TUSC3: variants seen among roughly 807,000 people sequenced by gnomAD.
The protein encoded by TUSC3 is dolichyl-diphosphooligosaccharide--protein glycosyltransferase subunit TUSC3.
In TUSC3, 45 loss-of-function variants were observed where a neutral mutation model predicts 44.8. The ratio of observed to expected loss-of-function variants is 1.00; its 90% CI spans 0.79 to 1.29. TUSC3 has a LOEUF of 1.29. TUSC3 is among the 50% of genes most tolerant of loss of function. TUSC3 has a pLI of 0.00. For synonymous variants in TUSC3, 212 were observed against 152.9 expected (o/e 1.39, Z -2.85); for missense variants, 519 against 437.9 (o/e 1.19, Z -1.65).
intron 2 of TUSC3, among the ~76,000 whole-genome samples, chr8:15,499,672 A>T (rs1279651655): frequency 6.6e-6 from 1 of 152,158 alleles, no homozygotes; most frequent in African/African-American, 2.4e-5. Flanking sequence ...GTTAAACATT[A>T]TTCTGGGTGT....
intron 1 of TUSC3, among the ~76,000 whole-genome samples, chr8:15,482,364 G>T (rs1800674193): frequency 6.6e-6 from 1 of 152,178 alleles, no homozygotes. Flanking sequence ...TCTCGTGGCA[G>T]AGAATGGTGA....
At chr8:15,686,671 A>AT (rs1202071251) in intron 6 of TUSC3, among the ~76,000 whole-genome samples, 1 of 152,136 alleles carries the variant, frequency 6.6e-6, no homozygotes, top group East Asian at 1.9e-4. Context: ...TATAATTATT[A>AT]TATTTTCAAC....
rs76733434 is a variant in TUSC3, at chr8:15,477,225, A to T, written n.92-6161A>T. 5.7e-3 allele frequency among the ~76,000 whole-genome samples: 875 copies of T among 152,222 alleles called. 7 individuals carry two copies. Among genetic ancestry groups the T allele is most frequent in the Middle Eastern group, 0.014 (4 of 294 alleles). On this transcript the variant is annotated intron_variant and non_coding_transcript_variant, in intron 1 of 5. Transcript: ENST00000503191. ...CTATTCTCCTGCCTCAATTCCATTG[A>T]CCAAATTCCATTTAGTTGTCTATGA...
chr8:15,764,945 C>G lies in TUSC3; in HGVS notation c.*789C>G, dbSNP rs352809. On this transcript the variant is annotated 3_prime_UTR_variant, in exon 11 of 11. Transcript: ENST00000503731. ...ACACACTATCCATTTTCGAGCAAAC[C>G]TAACCCACTATATCCATTTTGCTCA... The G allele has an allele frequency of 6.6e-6, 1 of 151,652 alleles. No individual in the cohort carries two copies. The highest frequency in any genetic ancestry group is 1.5e-5 in the Non-Finnish European group (1 of 67,862). The allele number at this position is 151,652 out of a possible 1,614,324, so 9.4% of individuals were successfully genotyped here.
chr8:15,804,637 C>T, the TUSC3 span, among the ~76,000 whole-genome samples: 1 of 152,072 alleles, frequency 6.6e-6, no homozygotes, highest in Non-Finnish European at 1.5e-5. Context: ...GCTATAGGTG[C>T]ACACCTTTAT....
At chr8:15,582,976 A>G (rs1197360977) in intron 1 of TUSC3, among the ~76,000 whole-genome samples, 1 of 152,194 alleles carries the variant, frequency 6.6e-6, no homozygotes, top group Non-Finnish European at 1.5e-5. Flanking sequence ...CAAATCTTAC[A>G]TTTAGAGATC....
chr8:15,551,507 G>A (rs1360276018), intron 1 of TUSC3, among the ~76,000 whole-genome samples: 1 of 151,608 alleles, frequency 6.6e-6, no homozygotes, highest in Admixed American at 6.6e-5. Flanking sequence ...GCTGAGCTGT[G>A]TAAGTTCTTT....
chr8:15,800,911 T>C, the TUSC3 span, among the ~76,000 whole-genome samples: 1 of 152,196 alleles, frequency 6.6e-6, no homozygotes, highest in Admixed American at 6.5e-5. Flanking sequence ...TATGGCTAGA[T>C]GCTTTTCTGG....
the TUSC3 span, among the ~76,000 whole-genome samples, chr8:15,818,080 G>T: frequency 6.6e-6 from 1 of 152,188 alleles, no homozygotes; most frequent in Non-Finnish European, 1.5e-5. Context: ...TAGGACCTTG[G>T]AGAAGAGCAG....
intron 1 of TUSC3, among the ~76,000 whole-genome samples, chr8:15,589,157 G>T (rs142818910): frequency 6.6e-6 from 1 of 151,986 alleles, no homozygotes; most frequent in Non-Finnish European, 1.5e-5. Flanking sequence ...TTCCATTTAC[G>T]TGGGATATAT....
intron 2 of TUSC3, among the ~76,000 whole-genome samples, chr8:15,626,273 C>G (rs1805505491): frequency 6.6e-6 from 1 of 152,162 alleles, no homozygotes; most frequent in African/African-American, 2.4e-5. Flanking sequence ...CCAGACAGTC[C>G]CTGAAGCTAT....
chr8:15,754,886 A>G (rs558792264), intron 9 of TUSC3, among the ~76,000 whole-genome samples: 5 of 152,058 alleles, frequency 3.3e-5, no homozygotes, highest in South Asian at 2.1e-4. Flanking sequence ...CGGCTTATTC[A>G]TTTTTATTTT....
chr8:15,443,492 CT>C (rs1165668483), intron 1 of TUSC3, among the ~76,000 whole-genome samples: 1 of 151,954 alleles, frequency 6.6e-6, no homozygotes, highest in Non-Finnish European at 1.5e-5. Context: ...GTGAAACCAC[CT>C]TTGAAAATTA....
chr8:15,757,780 G>C lies in TUSC3; in HGVS notation c.1029-11G>C, dbSNP rs1460975029. The C allele has an allele frequency of 1.4e-6, 2 of 1,475,942 alleles. No individual in the cohort carries two copies. Among genetic ancestry groups the C allele is most frequent in the Admixed American group, 3.3e-5 (2 of 59,778 alleles). 91.4% of individuals were successfully genotyped at this position (1,475,942 alleles called of 1,614,324 possible). A position where few individuals can be genotyped will look rare whatever the true frequency, so the allele number is the denominator to read the frequency against. On this transcript the variant is annotated splice_polypyrimidine_tract_variant and intron_variant, in intron 9 of 10. Coordinates refer to ENST00000503731, the MANE Select transcript of TUSC3 (RefSeq NM_006765.4). ...CCATATTGTTGTATTTCATTGTGGTGTATTGGAAAGTGATCTGGACTTTGA... is the reference window on the plus strand; with the variant it reads ...CCATATTGTTGTATTTCATTGTGGTCTATTGGAAAGTGATCTGGACTTTGA...
chr8:15,462,926 C>T (rs1363684804), intron 1 of TUSC3, among the ~76,000 whole-genome samples: 2 of 152,038 alleles, frequency 1.3e-5, no homozygotes, highest in African/African-American at 4.8e-5. Context: ...ACCAATTTTT[C>T]AGGTGTAAAC....
chr8:15,474,507 G>A (rs1375719538), intron 1 of TUSC3, among the ~76,000 whole-genome samples: 1 of 152,088 alleles, frequency 6.6e-6, no homozygotes, highest in African/African-American at 2.4e-5. Context: ...CTGACTTCCT[G>A]CAACAATAAA....
chr8:15,420,551 G>A (rs1256297203), intron 1 of TUSC3, among the ~76,000 whole-genome samples: 1 of 151,864 alleles, frequency 6.6e-6, no homozygotes, highest in Non-Finnish European at 1.5e-5. Flanking sequence ...AACAAAACTT[G>A]TGAAGTCATT....
chr8:15,707,283 G>A (rs1809657109), intron 6 of TUSC3, among the ~76,000 whole-genome samples: 1 of 151,936 alleles, frequency 6.6e-6, no homozygotes. Context: ...TCTGAAATGT[G>A]GTTATGTTGG....
intron 1 of TUSC3, among the ~76,000 whole-genome samples, chr8:15,615,190 C>T (rs1012351560): frequency 1.3e-5 from 2 of 152,042 alleles, no homozygotes; most frequent in African/African-American, 4.8e-5. Flanking sequence ...TTCACAATAC[C>T]CCTGATGTGG....
Sources: allele counts gnomAD v4.1 joint callset (sites outside exome capture counted in the v4.1 genomes callset), GRCh38; gene constraint gnomAD v4.1.1; transcripts MANE v1.5; gene names NCBI Gene and HGNC (gene_info 2026-07-23, HGNC 2026-07-21).